The following AP2B1 variants were observed in gnomAD, a reference collection of about 807,000 sequenced individuals.
AP2B1 encodes the protein AP-2 complex subunit beta.
In AP2B1, 23 loss-of-function variants were observed where a neutral mutation model predicts 102.0. That is an observed-to-expected ratio of 0.23 (90% CI 0.16 to 0.32). The LOEUF is 0.32. Among genes scored for constraint, AP2B1 ranks in the 10% least tolerant of loss-of-function variants. The pLI, the probability that AP2B1 is intolerant of heterozygous loss-of-function variation, is 1.00. For synonymous variants in AP2B1, 381 were observed against 421.2 expected, an observed-to-expected ratio of 0.90 and a Z score of 1.17; for missense variants, 541 against 1,157.4, an observed-to-expected ratio of 0.47 and a Z score of 7.73.
At chr17:35,625,916 A>C (rs1235178353) in intron 6 of AP2B1, among the ~76,000 whole-genome samples, 1 of 152,158 alleles carries the variant, frequency 6.6e-6, no homozygotes, top group Non-Finnish European at 1.5e-5. Flanking sequence ...TAAGTTAGCT[A>C]CTTGTGTTGC....
chr17:35,696,586 G>C (rs1487051885), intron 18 of AP2B1, among the ~76,000 whole-genome samples: 1 of 151,638 alleles, frequency 6.6e-6, no homozygotes, highest in Non-Finnish European at 1.5e-5. Context: ...CAGGAGTTTC[G>C]TCATGTTGGC....
At chr17:35,656,701 G>T (rs1007092066) in intron 13 of AP2B1, among the ~76,000 whole-genome samples, 1 of 151,848 alleles carries the variant, frequency 6.6e-6, no homozygotes, top group African/African-American at 2.4e-5. Context: ...CGAGACCACG[G>T]TGATACCCCG....
intron 3 of AP2B1, chr17:35,601,218 G>T (rs953952626): frequency 9.2e-5 from 14 of 152,870 alleles, no homozygotes; most frequent in African/African-American, 3.4e-4. Context: ...TAAAATAATA[G>T]TTAAGTATAA....
intron 2 of AP2B1, 47 bp from the exon 3 acceptor site, chr17:35,598,183 A>G (rs1028857640): frequency 3.3e-6 from 4 of 1,196,664 alleles, no homozygotes; most frequent in Non-Finnish European, 3.7e-6. Flanking sequence ...ATTCTGCTCT[A>G]AGTCTGTGGT....
chr17:35,682,334 CTTTTT>C (rs587645888), intron 17 of AP2B1, among the ~76,000 whole-genome samples: 5 of 72,056 alleles, frequency 6.9e-5, no homozygotes, highest in African/African-American at 3.0e-4. Context: ...AATCCTGCCT[CTTTTT>C]TTTTTTTTTT....
At chr17:35,645,685 AC>A (rs1279947415) in intron 12 of AP2B1, among the ~76,000 whole-genome samples, 1 of 152,116 alleles carries the variant, frequency 6.6e-6, no homozygotes, top group Non-Finnish European at 1.5e-5. Context: ...CCCCATCTCT[AC>A]TAAAAATATA....
At chr17:35,661,681 G>A (rs2075361782) in intron 14 of AP2B1, among the ~76,000 whole-genome samples, 1 of 152,102 alleles carries the variant, frequency 6.6e-6, no homozygotes, top group Admixed American at 6.5e-5. Context: ...AAAATTGAGG[G>A]CATTTTATAT....
intron 18 of AP2B1, among the ~76,000 whole-genome samples, chr17:35,701,049 G>A (rs2076230106): frequency 6.6e-6 from 1 of 152,184 alleles, no homozygotes; most frequent in African/African-American, 2.4e-5. Flanking sequence ...AAGCTGAGGT[G>A]TGCATTCTCT....
intron 4 of AP2B1, among the ~76,000 whole-genome samples, chr17:35,606,794 C>G (rs1324393995): frequency 1.3e-5 from 2 of 152,002 alleles, no homozygotes; most frequent in Non-Finnish European, 2.9e-5. Flanking sequence ...AACATAACCA[C>G]AATATCATCA....
At chr17:35,692,418 G>A (rs2076058463) in intron 18 of AP2B1, among the ~76,000 whole-genome samples, 1 of 152,196 alleles carries the variant, frequency 6.6e-6, no homozygotes, top group African/African-American at 2.4e-5. Flanking sequence ...TAAATGATTA[G>A]AAATAGATTT....
chr17:35,699,123 T>A (rs1331165433), intron 18 of AP2B1, among the ~76,000 whole-genome samples: 1 of 152,246 alleles, frequency 6.6e-6, no homozygotes. Context: ...TGGTTTCTGT[T>A]GGCTTCCTTT....
chr17:35,619,580 G>T lies in AP2B1; in HGVS notation c.526-4817G>T, dbSNP rs565148130. ...TTAAGGCGGAGAAAGATTTGTCTAG[G>T]ATTGAGTATGATTTTACACATCTAC... is the stretch of plus-strand genomic sequence containing the variant. On this transcript the variant is annotated intron_variant, in intron 5 of 21. Coordinates refer to ENST00000610402, the MANE Select transcript of AP2B1 (RefSeq NM_001030006.2). Among the ~76,000 whole-genome samples the T allele has an allele frequency of 2.0e-5, 3 of 152,138 alleles. No homozygotes were observed. The South Asian group carries it at 6.2e-4, about 32-fold the overall frequency.
At position 35,723,662 on chromosome 17, in the gene AP2B1, A is replaced by G; in HGVS notation, c.2819A>G (p.Tyr940Cys). 1 of 1,613,186 alleles carries G rather than the reference A, an allele frequency of 6.2e-7. No individual in the cohort carries two copies. The highest frequency in any genetic ancestry group is 8.5e-7 in the Non-Finnish European group (1 of 1,179,226). The change falls in exon 22 of 22, where the codon TAC (tyrosine) becomes TGC (cysteine). Residue 940 changes from tyrosine to cysteine, a missense_variant. Around this residue, in one of 10 missense-constraint regions of AP2B1, gnomAD observed 117 missense variants for 206.7 expected, o/e 0.57. Transcript: ENST00000610402. ...LKCRAPEVSQ[Y>C]IYQVYDSILK... is the part of the protein sequence containing the mutation. ...TGTAGAGCTCCTGAAGTCTCTCAATACATCTATCAGGTCTACGACAGCATT... is the reference window on the plus strand; with the variant it reads ...TGTAGAGCTCCTGAAGTCTCTCAATGCATCTATCAGGTCTACGACAGCATT...
chr17:35,593,058 T>A (rs974372707), intron 1 of AP2B1, among the ~76,000 whole-genome samples: 1 of 152,196 alleles, frequency 6.6e-6, no homozygotes, highest in African/African-American at 2.4e-5. Context: ...TCAACACCAG[T>A]TTGATTCTCG....
chr17:35,607,870 T>A, intron 4 of AP2B1: 1 of 316,310 alleles, frequency 3.2e-6, no homozygotes, highest in Non-Finnish European at 5.9e-6. Flanking sequence ...TGGTACGAAC[T>A]CCCTAAACCT....
Position 35,720,134 on chromosome 17 carries a change from T to C in AP2B1, c.2781+2785T>C, listed in dbSNP as rs146130266. Among the ~76,000 whole-genome samples the C allele has an allele frequency of 3.3e-5, 5 of 152,210 alleles. No individual in the cohort carries two copies. In the East Asian group the frequency reaches 9.7e-4, roughly 29 times the overall value. ...GACGGGCTGGGCACAGGATGACAGG[T>C]GGCCCAAAAAGAGTGCTAAATTTGT... On this transcript the variant is annotated intron_variant, in intron 21 of 21. Transcript: ENST00000610402.
intron 5 of AP2B1, 133 bp from the exon 6 acceptor site, chr17:35,624,264 A>G (rs948183622): frequency 1.2e-6 from 1 of 816,896 alleles, no homozygotes; most frequent in Non-Finnish European, 2.0e-6. Context: ...ATTTGTTTCT[A>G]TCTGACTAGG....
At chr17:35,607,630 TAA>T (rs1290817964) in intron 4 of AP2B1, among the ~76,000 whole-genome samples, 1 of 152,232 alleles carries the variant, frequency 6.6e-6, no homozygotes, top group Non-Finnish European at 1.5e-5. Flanking sequence ...CTCTGCTGCT[TAA>T]CTCCAGGTAC....
chr17:35,632,597 C>T (rs953410012), intron 9 of AP2B1, among the ~76,000 whole-genome samples: 3 of 149,538 alleles, frequency 2.0e-5, no homozygotes, highest in Non-Finnish European at 4.4e-5. Flanking sequence ...TGTTTCTGGA[C>T]TTTTTGTATA....
Sources: gnomAD v4.1 joint callset for allele counts (sites outside exome capture counted in the v4.1 genomes callset) on GRCh38, gnomAD v4.1.1 for gene constraint, gnomAD v4.1.1 regional missense constraint, MANE v1.5 for transcripts, NCBI Gene and HGNC (gene_info 2026-07-23, HGNC 2026-07-21) for gene names.